The following PCDHAC1 variants were observed in gnomAD, a reference collection of about 807,000 sequenced individuals.
PCDHAC1 encodes the protein protocadherin alpha subfamily C, 1.
A neutral mutation model predicts 60.0 loss-of-function variants in PCDHAC1; 42 were observed. The ratio of observed to expected loss-of-function variants is 0.70; its 90% CI spans 0.55 to 0.90. The LOEUF (loss-of-function observed/expected upper bound fraction) is 0.90. Among genes scored for constraint, PCDHAC1 ranks in the 40% least tolerant of loss-of-function variants. The pLI, the probability that PCDHAC1 is intolerant of heterozygous loss-of-function variation, is 0.00. For synonymous variants in PCDHAC1, 468 were observed against 499.3 expected (o/e 0.94, Z 0.84); for missense variants, 1,160 against 1,222.3 (o/e 0.95, Z 0.76).
At chr5:140,958,844 G>A (rs533464436) in intron 1 of PCDHAC1, among the ~76,000 whole-genome samples, 81 of 152,122 alleles carry the variant, frequency 5.3e-4, no homozygotes, top group African/African-American at 1.9e-3. Context: ...TATCATTCCA[G>A]TGTCTTTGGT....
At chr5:141,008,126 G>A (rs2098361949) in intron 3 of PCDHAC1, among the ~76,000 whole-genome samples, 1 of 152,178 alleles carries the variant, frequency 6.6e-6, no homozygotes, top group African/African-American at 2.4e-5. Context: ...TCAAGAAGGG[G>A]ATGACAAATG....
intron 1 of PCDHAC1, among the ~76,000 whole-genome samples, chr5:140,936,326 AT>A: frequency 6.6e-6 from 1 of 152,256 alleles, no homozygotes; most frequent in South Asian, 2.1e-4. Flanking sequence ...CATGCTATAA[AT>A]TTTCTCTATC....
At chr5:140,958,759 A>G (rs1254935099) in intron 1 of PCDHAC1, among the ~76,000 whole-genome samples, 2 of 152,112 alleles carry the variant, frequency 1.3e-5, no homozygotes, top group African/African-American at 4.8e-5. Flanking sequence ...ATTTTTACCC[A>G]TTTCTGTTTG....
At chr5:140,988,366 G>A (rs1384658783) in intron 3 of PCDHAC1, among the ~76,000 whole-genome samples, 2 of 152,122 alleles carry the variant, frequency 1.3e-5, no homozygotes, top group Non-Finnish European at 2.9e-5. Flanking sequence ...TTACTTTCTG[G>A]GGTTGTGAAA....
chr5:140,949,409 A>G (rs547419161), intron 1 of PCDHAC1, among the ~76,000 whole-genome samples: 1 of 151,896 alleles, frequency 6.6e-6, no homozygotes, highest in African/African-American at 2.4e-5. Flanking sequence ...AAAATCACCT[A>G]TCATCATTGT....
intron 1 of PCDHAC1, among the ~76,000 whole-genome samples, chr5:140,952,804 C>T (rs191550367): frequency 2.6e-5 from 4 of 152,282 alleles, no homozygotes; most frequent in Non-Finnish European, 5.9e-5. Flanking sequence ...GCTCGCAGTT[C>T]TGCAGGCTGT....
In PCDHAC1 at chr5:140,993,460, T is replaced by TCCCA. The variant is rs1554253699; in HGVS notation, c.2581+10898_2581+10899insCCAC. On this transcript the variant is annotated intron_variant, in intron 3 of 3. Transcript: ENST00000253807. Reference sequence around the variant, plus strand: ...TTCATTCCTGTTCTCCTTCTTTCTTTCTCACACACACACACACACACACAC... The same window carrying TCCCA: ...TTCATTCCTGTTCTCCTTCTTTCTTTCCCACTCACACACACACACACACACACAC... Among the ~76,000 whole-genome samples, 30 of 104,506 alleles carry TCCCA rather than the reference T, an allele frequency of 2.9e-4. 1 individual carries two copies. The highest frequency in any genetic ancestry group is 1.1e-3 in the African/African-American group (29 of 25,484). The allele number at this position is 104,506 out of a possible 152,430, so 68.6% of individuals were successfully genotyped here.
At chr5:140,960,273 C>T (rs1490527862) in intron 1 of PCDHAC1, among the ~76,000 whole-genome samples, 1 of 152,148 alleles carries the variant, frequency 6.6e-6, no homozygotes, top group Non-Finnish European at 1.5e-5. Context: ...AATTCCGTCA[C>T]CTTTTTGGGA....
chr5:140,978,457 C>G (rs1223652568), intron 1 of PCDHAC1, among the ~76,000 whole-genome samples: 1 of 152,182 alleles, frequency 6.6e-6, no homozygotes, highest in Non-Finnish European at 1.5e-5. Context: ...GCACATCCGC[C>G]CTGGGTCAAA....
At chr5:140,979,043 C>A (rs782371496) in intron 2 of PCDHAC1, 36 bp downstream of exon 2, 2 of 1,612,500 alleles carry the variant, frequency 1.2e-6, no homozygotes, top group Non-Finnish European at 1.7e-6. Context: ...CAGAAGTAAC[C>A]TTAACTTGGT....
At chr5:140,949,144 T>C (rs2094347159) in intron 1 of PCDHAC1, among the ~76,000 whole-genome samples, 1 of 151,806 alleles carries the variant, frequency 6.6e-6, no homozygotes, top group Non-Finnish European at 1.5e-5. Context: ...TTGTTGCTTT[T>C]GATTTCTAAT....
intron 1 of PCDHAC1, chr5:140,966,700 G>T: frequency 7.3e-7 from 1 of 1,365,440 alleles, no homozygotes; most frequent in Non-Finnish European, 9.4e-7. Context: ...GGGCCCGGGC[G>T]TGGGGCACGG....
At chr5:140,984,730 T>C (rs956611464) in intron 3 of PCDHAC1, among the ~76,000 whole-genome samples, 4 of 152,186 alleles carry the variant, frequency 2.6e-5, no homozygotes, top group Non-Finnish European at 4.4e-5. Context: ...ATTAAGATTA[T>C]GATTTAGAGT....
Position 140,946,631 on chromosome 5 carries a change from T to TATATATATATATATATATATATATAC in PCDHAC1, c.2433+17307_2433+17308insTATATATATATATATATATATATACA, listed in dbSNP as rs57893927. ...TGTGAAATATATATATATATATATA[T>TATATATATATATATATATATATATAC]ACAATGGAATACTCATCAGCCATTA... On this transcript the variant is annotated intron_variant, in intron 1 of 3. Coordinates refer to ENST00000253807, the MANE Select transcript of PCDHAC1 (RefSeq NM_018898.5). 3.1e-3 allele frequency among the ~76,000 whole-genome samples: 414 copies of TATATATATATATATATATATATATAC among 131,704 alleles called. 27 individuals carry two copies. Among genetic ancestry groups the TATATATATATATATATATATATATAC allele is most frequent in the African/African-American group, 0.013 (382 of 28,586 alleles). 86.4% of individuals were successfully genotyped at this position (131,704 alleles called of 152,430 possible). A position where few individuals can be genotyped will look rare whatever the true frequency, so the allele number is the denominator to read the frequency against.
intron 1 of PCDHAC1, chr5:140,969,516 A>G: frequency 1.4e-6 from 2 of 1,410,726 alleles, no homozygotes; most frequent in Non-Finnish European, 1.9e-6. Flanking sequence ...GCACTAAAGA[A>G]TTGTTTTATT....
intron 1 of PCDHAC1, chr5:140,967,903 A>C: frequency 6.2e-7 from 1 of 1,614,112 alleles, no homozygotes; most frequent in Non-Finnish European, 8.5e-7. Flanking sequence ...AGAATGCTAC[A>C]CCCAACACCA....
intron 1 of PCDHAC1, chr5:140,969,174 G>A (rs777458792): frequency 6.2e-7 from 1 of 1,614,076 alleles, no homozygotes; most frequent in South Asian, 1.1e-5. Flanking sequence ...GGCTCAGGGA[G>A]TGACACTTTC....
At chr5:140,970,815 A>G (rs782758365) in intron 1 of PCDHAC1, among the ~76,000 whole-genome samples, 2 of 152,114 alleles carry the variant, frequency 1.3e-5, no homozygotes, top group Non-Finnish European at 2.9e-5. Flanking sequence ...TTTCAAGTTC[A>G]TGGTAATCTT....
intron 1 of PCDHAC1, among the ~76,000 whole-genome samples, chr5:140,943,825 T>C (rs1421631991): frequency 6.6e-6 from 1 of 152,128 alleles, no homozygotes; most frequent in East Asian, 1.9e-4. Context: ...GAAAATGAGT[T>C]GATTGAAGTT....
Sources: gnomAD v4.1 joint callset for allele counts (sites outside exome capture counted in the v4.1 genomes callset) on GRCh38, gnomAD v4.1.1 for gene constraint, MANE v1.5 for transcripts, NCBI Gene and HGNC (gene_info 2026-07-23, HGNC 2026-07-21) for gene names.